The following RAB3GAP1 variants were observed in gnomAD, a reference collection of about 807,000 sequenced individuals.
The protein encoded by RAB3GAP1 is RAB3 GTPase activating protein catalytic subunit 1, also known as rab3 GTPase-activating protein catalytic subunit.
In RAB3GAP1, 86 loss-of-function variants were observed where a neutral mutation model predicts 130.7. The ratio of observed to expected loss-of-function variants is 0.66; its 90% CI spans 0.55 to 0.79. The LOEUF (loss-of-function observed/expected upper bound fraction) is 0.79. RAB3GAP1 is among the 30% of genes least tolerant of loss of function. RAB3GAP1 has a pLI of 0.00. For missense variants in RAB3GAP1, 1,029 were observed against 1,169.4 expected (o/e 0.88, Z 1.75); for synonymous variants, 367 against 401.7 (o/e 0.91, Z 1.03).
rs1481650242 is a variant in RAB3GAP1, at chr2:135,150,650, C to T, written c.2061+144C>T. On this transcript the variant is annotated intron_variant, in intron 18 of 23. Coordinates refer to ENST00000264158, the MANE Select transcript of RAB3GAP1 (RefSeq NM_012233.3). ...TCATTAGTAGTTCAACACTCTGCCA[C>T]CATCCCCCCAGAGGACATAGTCAAA... 4.7e-6 allele frequency: 5 copies of T among 1,056,012 alleles called. No homozygotes were observed. In the East Asian group the frequency reaches 1.0e-4, roughly 22 times the overall value. The allele number at this position is 1,056,012 out of a possible 1,614,324, so 65.4% of individuals were successfully genotyped here. A position where few individuals can be genotyped will look rare whatever the true frequency, so the allele number is the denominator to read the frequency against.
In RAB3GAP1 at chr2:135,113,095, T is replaced by C; in HGVS notation, c.363-56T>C. 1.9e-6 allele frequency: 3 copies of C among 1,611,752 alleles called. No individual in the cohort carries two copies. The African/African-American group carries it at 4.0e-5, about 22-fold the overall frequency. On this transcript the variant is annotated intron_variant, in intron 5 of 23. Coordinates refer to ENST00000264158, the MANE Select transcript of RAB3GAP1 (RefSeq NM_012233.3). The stretch of plus-strand genomic sequence containing the variant: ...AAATTTTTTTGTGCTTTTCAAGTAA[T>C]GGATTTTTGTGTTCTGAGGTTTCCC...
chr2:135,168,962 G>A lies in RAB3GAP1; in HGVS notation c.*181G>A, dbSNP rs371690596. 281 of 678,288 alleles carry A rather than the reference G, an allele frequency of 4.1e-4. 2 individuals are homozygous for A. Among genetic ancestry groups the A allele is most frequent in the South Asian group, 4.0e-3 (249 of 62,624 alleles). 42.0% of individuals were successfully genotyped at this position (678,288 alleles called of 1,614,324 possible). On this transcript the variant is annotated 3_prime_UTR_variant, in exon 24 of 24. Coordinates refer to ENST00000264158, the MANE Select transcript of RAB3GAP1 (RefSeq NM_012233.3). ...AGCTTGAGCTGTGTCGTTTCGTGGAGGGGGCAGCGAGGATGGGCTTGAGCT... is the reference window on the plus strand; with the variant it reads ...AGCTTGAGCTGTGTCGTTTCGTGGAAGGGGCAGCGAGGATGGGCTTGAGCT...
downstream of RAB3GAP1, chr2:135,175,678 G>A (rs1251203295): frequency 1.3e-5 from 2 of 152,212 alleles, no homozygotes; most frequent in Middle Eastern, 3.4e-3. Context: ...GTGTTCAGAC[G>A]GAGAGAAAAG....
chr2:135,060,624 T>A (rs1425193675), intron 3 of RAB3GAP1, among the ~76,000 whole-genome samples: 2 of 151,950 alleles, frequency 1.3e-5, no homozygotes, highest in East Asian at 3.9e-4. Context: ...ATAGAGGTCA[T>A]CTCTGTTACC....
chr2:135,151,063 G>C (rs948452169), intron 18 of RAB3GAP1, among the ~76,000 whole-genome samples: 6 of 152,206 alleles, frequency 3.9e-5, no homozygotes, highest in African/African-American at 1.4e-4. Context: ...GTAGGCATTT[G>C]CTATCTGAAG....
chr2:135,106,132 A>G (rs1054964641), intron 5 of RAB3GAP1, among the ~76,000 whole-genome samples: 3 of 147,782 alleles, frequency 2.0e-5, no homozygotes, highest in Admixed American at 6.7e-5. Context: ...CGCCCCGTCC[A>G]GGAGGTGGGG....
At chr2:135,069,465 A>AT (rs1689409472) in intron 3 of RAB3GAP1, among the ~76,000 whole-genome samples, 1 of 150,904 alleles carries the variant, frequency 6.6e-6, no homozygotes, top group East Asian at 1.9e-4. Context: ...TAGTGATTTG[A>AT]TTTTTCCTTC....
At chr2:135,153,968 C>A in intron 19 of RAB3GAP1, 92 bp downstream of exon 19, 2 of 1,170,360 alleles carry the variant, frequency 1.7e-6, no homozygotes, top group Non-Finnish European at 2.5e-6. Flanking sequence ...GTTTTGGACA[C>A]ACTTGAGGTG....
At chr2:135,102,430 T>C (rs1440558294) in intron 5 of RAB3GAP1, among the ~76,000 whole-genome samples, 1 of 152,230 alleles carries the variant, frequency 6.6e-6, no homozygotes, top group Non-Finnish European at 1.5e-5. Flanking sequence ...CTGTGTTTTT[T>C]TAAGTCACCA....
intron 14 of RAB3GAP1, 68 bp from the exon 15 acceptor site, chr2:135,133,793 C>T: frequency 7.2e-7 from 1 of 1,398,102 alleles, no homozygotes; most frequent in South Asian, 1.2e-5. Context: ...CTCCCTACGA[C>T]CTTTTCAGTT....
intron 19 of RAB3GAP1, among the ~76,000 whole-genome samples, chr2:135,157,473 T>C (rs1418925619): frequency 6.6e-6 from 1 of 152,126 alleles, no homozygotes. Context: ...CTAATCCAAG[T>C]GATTTATCGA....
At chr2:135,080,572 T>C (rs1403178489) in intron 3 of RAB3GAP1, among the ~76,000 whole-genome samples, 1 of 152,228 alleles carries the variant, frequency 6.6e-6, no homozygotes, top group East Asian at 1.9e-4. Flanking sequence ...GGCTTATTTG[T>C]GTTAACCAAT....
chr2:135,126,285 A>G, intron 10 of RAB3GAP1, 36 bp downstream of exon 10: 1 of 1,479,894 alleles, frequency 6.8e-7, no homozygotes, highest in Non-Finnish European at 9.4e-7. Context: ...ACTGAGATTA[A>G]AAAACTTCAG....
intron 5 of RAB3GAP1, among the ~76,000 whole-genome samples, chr2:135,097,896 A>T (rs563073418): frequency 2.0e-5 from 3 of 152,322 alleles, no homozygotes; most frequent in Non-Finnish European, 2.9e-5. Flanking sequence ...TCACTCGGGT[A>T]GATACCTAGA....
At chr2:135,056,777 G>A (rs1460338760) in intron 2 of RAB3GAP1, among the ~76,000 whole-genome samples, 1 of 152,136 alleles carries the variant, frequency 6.6e-6, no homozygotes, top group Non-Finnish European at 1.5e-5. Context: ...ATTAGTGTAT[G>A]AATTGATACT....
Position 135,169,006 on chromosome 2 carries a change from T to G in RAB3GAP1, c.*225T>G. On this transcript the variant is annotated 3_prime_UTR_variant, in exon 24 of 24. Transcript: ENST00000264158. ...TTGAGCTGTTGAGAGATTTCTGCCC[T>G]AGAGATGGCCTTTGTATATGGGGGG... The G allele has an allele frequency of 2.3e-6, 1 of 443,480 alleles. No homozygotes were observed. Among genetic ancestry groups the G allele is most frequent in the Non-Finnish European group, 4.0e-6 (1 of 252,122 alleles). The allele number at this position is 443,480 out of a possible 1,614,324, so 27.5% of individuals were successfully genotyped here. A position where few individuals can be genotyped will look rare whatever the true frequency, so the allele number is the denominator to read the frequency against.
chr2:135,168,612 A>G lies in RAB3GAP1; in HGVS notation c.2777A>G (p.Asn926Ser), dbSNP rs764571397. The change falls in exon 24 of 24, where the codon AAC becomes AGC. Residue 926 changes from asparagine (N) to serine (S), a missense_variant. By Grantham distance (46) the Asn-to-Ser change is conservative (BLOSUM62 1). Transcript: ENST00000264158. ...RMGSPEERRQNSVSDFPPPAG... is the reference protein window; with the variant it reads ...RMGSPEERRQSSVSDFPPPAG... ...GGCTCCCCAGAGGAAAGAAGGCAGA[A>G]CTCCGTGTCAGACTTCCCACCCCCT... The G allele has an allele frequency of 6.2e-7, 1 of 1,614,032 alleles. No individual in the cohort carries two copies. Among genetic ancestry groups the G allele is most frequent in the Non-Finnish European group, 8.5e-7 (1 of 1,179,998 alleles).
At chr2:135,075,191 G>A (rs1053200565) in intron 3 of RAB3GAP1, among the ~76,000 whole-genome samples, 1 of 152,220 alleles carries the variant, frequency 6.6e-6, no homozygotes, top group African/African-American at 2.4e-5. Flanking sequence ...TGTGGAGCCA[G>A]TCCCCACTGT....
chr2:135,114,203 G>A (rs557129103), intron 6 of RAB3GAP1, among the ~76,000 whole-genome samples: 5 of 152,104 alleles, frequency 3.3e-5, no homozygotes, highest in Non-Finnish European at 7.4e-5. Flanking sequence ...ACAATTCAAT[G>A]TATATCTGGA....
Sources: gnomAD v4.1 joint callset for allele counts (sites outside exome capture counted in the v4.1 genomes callset) on GRCh38, gnomAD v4.1.1 for gene constraint, MANE v1.5 for transcripts, NCBI Gene and HGNC (gene_info 2026-07-23, HGNC 2026-07-21) for gene names.